Variants in ERCC4 observed in about 807,000 individuals in gnomAD.
ERCC4 encodes DNA repair endonuclease XPF.
Under a neutral mutation model 76.9 loss-of-function variants are expected in ERCC4, and 65 were observed. The observed-to-expected ratio is 0.84, with a 90% CI of 0.69 to 1.04. The LOEUF (loss-of-function observed/expected upper bound fraction) is 1.04, where lower values mean the gene tolerates loss of function less well. Ranked by LOEUF, ERCC4 falls within the 50% of genes least tolerant of loss-of-function variation. The pLI is 0.00. For synonymous variants in ERCC4, 463 were observed against 410.1 expected (o/e 1.13, Z -1.56); for missense variants, 1,214 against 1,128.2 (o/e 1.08, Z -1.09).
rs767408205 is a variant in ERCC4, at chr16:13,935,197, A to T, written c.1265A>T (p.Asp422Val). ...SDDRTCSQLR[D>V]YITLGAEAFL... The stretch of plus-strand genomic sequence containing the variant: ...GACCGAACATGTTCCCAGCTGAGAG[A>T]CTATATCACTCTTGGAGCGGAGGCC... The change falls in exon 8 of 11, where the codon GAC (aspartate) becomes GTC (valine). Residue 422 changes from aspartate (D) to valine (V), a missense_variant. Transcript: ENST00000311895. 7.4e-6 allele frequency: 12 copies of T among 1,613,970 alleles called. No homozygotes were observed. The highest frequency in any genetic ancestry group is 2.7e-5 in the African/African-American group (2 of 74,910).
chr16:13,940,282 G>T (rs538854608), intron 9 of ERCC4, among the ~76,000 whole-genome samples: 15 of 152,180 alleles, frequency 9.9e-5, no homozygotes, highest in Admixed American at 5.2e-4. Context: ...AGCTACCCGG[G>T]AGGCTAAGGT....
chr16:13,947,377 G>GC (rs2032534227), intron 10 of ERCC4, among the ~76,000 whole-genome samples: 2 of 152,184 alleles, frequency 1.3e-5, no homozygotes, highest in Non-Finnish European at 1.5e-5. Context: ...ATGAATCATC[G>GC]CAAGTAAGGA....
Position 13,947,634 on chromosome 16 carries a change from A to G in ERCC4, c.2038A>G (p.Thr680Ala), listed in dbSNP as rs2032539293. The G allele has an allele frequency of 1.2e-6, 2 of 1,614,094 alleles. No individual in the cohort carries two copies. The highest frequency in any genetic ancestry group is 1.3e-5 in the African/African-American group (1 of 74,940). The change falls in exon 11 of 11, where the codon ACA (threonine) becomes GCA (alanine). Residue 680 changes from threonine (T) to alanine (A), a missense_variant. Physicochemically the swap from Thr to Ala is moderately conservative, Grantham distance 58. Transcript: ENST00000311895. The stretch of plus-strand genomic sequence containing the variant: ...TGTAGGTGGCCAGGAACAGAATGGT[A>G]CACAGCAAAGCATAGTTGTGGATAT... ...RKAGGQEQNG[T>A]QQSIVVDMRE...
At position 13,948,133 on chromosome 16, in the gene ERCC4, C is replaced by G; in HGVS notation, c.2537C>G (p.Pro846Arg). ...ETLPESEKYN[P>R]GPQDFLLKMP... Reference sequence around the variant, plus strand: ...CTTCCCGAGTCAGAGAAGTATAATCCTGGTCCCCAAGACTTCTTGTTAAAA... The same window carrying G: ...CTTCCCGAGTCAGAGAAGTATAATCGTGGTCCCCAAGACTTCTTGTTAAAA... The change falls in exon 11 of 11, where the codon CCT becomes CGT. Residue 846 changes from proline (P) to arginine (R), a missense_variant. Transcript: ENST00000311895. 1.2e-6 allele frequency: 2 copies of G among 1,614,186 alleles called. No individual in the cohort carries two copies. Among genetic ancestry groups the G allele is most frequent in the Non-Finnish European group, 1.7e-6 (2 of 1,180,042 alleles).
intron 2 of ERCC4, chr16:13,922,633 C>A: frequency 1.8e-6 from 1 of 559,202 alleles, no homozygotes; most frequent in Admixed American, 2.5e-5. Context: ...CTGCACATGG[C>A]CGCAGCCCTT....
intron 9 of ERCC4, among the ~76,000 whole-genome samples, chr16:13,938,459 A>G (rs1012279739): frequency 1.3e-5 from 2 of 152,238 alleles, no homozygotes; most frequent in African/African-American, 2.4e-5. Flanking sequence ...GATGTTCACA[A>G]ACTGGTTGGC....
rs775214099 is a variant in ERCC4 at position 13,936,601 on chromosome 16, C to G, written c.1811+858C>G. Among the ~76,000 whole-genome samples, 11 of 152,224 alleles carry G rather than the reference C, an allele frequency of 7.2e-5. 1 individual carries two copies. The highest frequency in any genetic ancestry group is 1.5e-4 in the Non-Finnish European group (10 of 68,048). ...GTATTTGGGAGCAAAATGTTAGAAT[C>G]AGAAGGGACCTGGGAGTTCAACCAC... is the stretch of plus-strand genomic sequence containing the variant. On this transcript the variant is annotated intron_variant, in intron 8 of 10. Coordinates refer to ENST00000311895, the MANE Select transcript of ERCC4 (RefSeq NM_005236.3).
chr16:13,928,157 G>A lies in ERCC4; in HGVS notation c.714G>A (p.Lys238=), dbSNP rs780166871. The A allele has an allele frequency of 1.5e-4, 239 of 1,613,504 alleles. No homozygotes were observed. The highest frequency in any genetic ancestry group is 2.0e-4 in the Non-Finnish European group (231 of 1,179,700). The change falls in exon 4 of 11, where the codon AAG becomes AAA. Residue 238 remains lysine (K), a synonymous_variant. Transcript: ENST00000311895. The part of the protein sequence containing the change: ...AILDILNACL[K]ELKCHNPSLE... ...TGGACATTTTAAATGCATGTCTAAA[G>A]GAACTAAAATGCCATAACCCATCGC...
rs1297296622 is a variant in ERCC4 at position 13,930,863 on chromosome 16, A to G, written c.946A>G (p.Thr316Ala). The G allele has an allele frequency of 6.2e-7, 1 of 1,613,348 alleles. No individual in the cohort carries two copies. The highest frequency in any genetic ancestry group is 8.5e-7 in the Non-Finnish European group (1 of 1,179,324). ...TAATCTTCTGGAATCTCTGAGAGCA[A>G]CGGAAAAAGCTTTTGGTCAGAATTC... Reference protein sequence around the residue: ...FLNLLESLRATEKAFGQNSGW... With the variant: ...FLNLLESLRAAEKAFGQNSGW... Residue 316 changes from threonine (T) to alanine (A), a missense_variant, in exon 5 of 11, where the codon ACG becomes GCG. By Grantham distance (58) the Thr-to-Ala change is moderately conservative. Coordinates refer to ENST00000311895, the MANE Select transcript of ERCC4 (RefSeq NM_005236.3).
chr16:13,949,253 GT>G lies in ERCC4; in HGVS notation c.*908del. The G allele has an allele frequency of 4.3e-6, 1 of 233,412 alleles. No homozygotes were observed. The highest frequency in any genetic ancestry group is 8.5e-6 in the Non-Finnish European group (1 of 118,146). 14.5% of individuals were successfully genotyped at this position (233,412 alleles called of 1,614,324 possible). On this transcript the variant is annotated 3_prime_UTR_variant, in exon 11 of 11. Transcript: ENST00000311895. ...AGAGATCCCTAAGTCCAGCTGGCTA[GT>G]TACAGAGTTTTTTCAGACTTCCTCG...
intron 2 of ERCC4, among the ~76,000 whole-genome samples, chr16:13,924,269 A>G (rs570957611): frequency 6.6e-6 from 1 of 152,302 alleles, no homozygotes; most frequent in East Asian, 1.9e-4. Flanking sequence ...CACCCTGGGA[A>G]TCCCTGCTAA....
Position 13,944,847 on chromosome 16 carries a change from A to G in ERCC4, c.2017+12A>G, listed in dbSNP as rs750858508. 1 of 1,530,678 alleles carries G rather than the reference A, an allele frequency of 6.5e-7. No homozygotes were observed. The highest frequency in any genetic ancestry group is 9.1e-7 in the Non-Finnish European group (1 of 1,104,108). 94.8% of individuals were successfully genotyped at this position (1,530,678 alleles called of 1,614,324 possible). A position where few individuals can be genotyped will look rare whatever the true frequency, so the allele number is the denominator to read the frequency against. On this transcript the variant is annotated intron_variant, in intron 10 of 10. Coordinates refer to ENST00000311895, the MANE Select transcript of ERCC4 (RefSeq NM_005236.3). Reference sequence around the variant, plus strand: ...CACTCGGAAAGCCGGTGAGTCCTGCACTTTGTCAGGCACCTCCATTGCCTG... The same window carrying G: ...CACTCGGAAAGCCGGTGAGTCCTGCGCTTTGTCAGGCACCTCCATTGCCTG...
rs1457864707 is a variant in ERCC4, at chr16:13,930,726, T to C, written c.809T>C (p.Leu270Pro). The change falls in exon 5 of 11, where the codon CTG becomes CCG. Residue 270 changes from leucine to proline, a missense_variant. Physicochemically the swap from Leu to Pro is moderately conservative, Grantham distance 98. Transcript: ENST00000311895. ...TTGTTTTAGACAATCCGCCATTATC[T>C]GGATCCTTTGTGGCACCAGCTTGGA... Reference protein sequence around the residue: ...KPFDKTIRHYLDPLWHQLGAK... With the variant: ...KPFDKTIRHYPDPLWHQLGAK... 19 of 1,613,654 alleles carry C rather than the reference T, an allele frequency of 1.2e-5. No homozygotes were observed. The highest frequency in any genetic ancestry group is 1.6e-5 in the Non-Finnish European group (19 of 1,179,682).
Position 13,932,219 on chromosome 16 carries a change from C to G in ERCC4, c.1036C>G (p.Leu346Val). The part of the protein sequence containing the change: ...FINARARVYH[L>V]PDAKMSKKEK... ...AAATGCTCGAGCAAGGGTTTATCATCTTCCAGATGCCAAAATGAGTAAAAA... is the reference window on the plus strand; with the variant it reads ...AAATGCTCGAGCAAGGGTTTATCATGTTCCAGATGCCAAAATGAGTAAAAA... Residue 346 changes from leucine to valine, a missense_variant, in exon 6 of 11, where the codon CTT (leucine) becomes GTT (valine). Coordinates refer to ENST00000311895, the MANE Select transcript of ERCC4 (RefSeq NM_005236.3). 2 of 1,612,150 alleles carry G rather than the reference C, an allele frequency of 1.2e-6. No individual in the cohort carries two copies. The highest frequency in any genetic ancestry group is 4.5e-5 in the East Asian group (2 of 44,868).
intron 9 of ERCC4, among the ~76,000 whole-genome samples, 193 bp from the exon 10 acceptor site, chr16:13,944,530 A>G (rs1596633884): frequency 2.0e-5 from 3 of 152,124 alleles, no homozygotes; most frequent in Admixed American, 2.0e-4. Context: ...GGCACTTTTT[A>G]CTGACTTTTT....
intron 4 of ERCC4, among the ~76,000 whole-genome samples, chr16:13,929,124 G>A (rs1290575667): frequency 6.6e-6 from 1 of 152,068 alleles, no homozygotes; most frequent in South Asian, 2.1e-4. Flanking sequence ...TTAATAGAAT[G>A]TGTATATCCC....
Position 13,945,500 on chromosome 16 carries a change from A to G in ERCC4, c.2017+665A>G, listed in dbSNP as rs910349828. 2.6e-5 allele frequency among the ~76,000 whole-genome samples: 4 copies of G among 152,330 alleles called. No homozygotes were observed. In the South Asian group the frequency reaches 8.3e-4, roughly 32 times the overall value. On this transcript the variant is annotated intron_variant, in intron 10 of 10. Coordinates refer to ENST00000311895, the MANE Select transcript of ERCC4 (RefSeq NM_005236.3). The stretch of plus-strand genomic sequence containing the variant: ...AGCCAGGTGGCATGAGAAAAGCAAT[A>G]CGATTGAGTTGGTTTAACCTTCGGT...
chr16:13,943,810 A>G (rs903703980), intron 9 of ERCC4, among the ~76,000 whole-genome samples: 2 of 151,562 alleles, frequency 1.3e-5, no homozygotes, highest in African/African-American at 4.9e-5. Context: ...CTCAGCTTAT[A>G]TATCTTTTCT....
chr16:13,936,106 T>G (rs539971074), intron 8 of ERCC4, among the ~76,000 whole-genome samples: 23 of 152,360 alleles, frequency 1.5e-4, no homozygotes, highest in African/African-American at 5.3e-4. Flanking sequence ...TAAGTAATTT[T>G]AATCTTCTAA....
Sources: allele counts gnomAD v4.1 joint callset (sites outside exome capture counted in the v4.1 genomes callset), GRCh38; gene constraint gnomAD v4.1.1; transcripts MANE v1.5; gene names NCBI Gene and HGNC (gene_info 2026-07-23, HGNC 2026-07-21).